TMEM50A: variants seen among roughly 807,000 people sequenced by gnomAD.
The protein encoded by TMEM50A is cervical cancer oncogene 9.
TMEM50A carries 8 observed loss-of-function variants against 23.9 expected under a neutral mutation model. The ratio of observed to expected loss-of-function variants is 0.33; its 90% CI spans 0.20 to 0.60. The LOEUF (loss-of-function observed/expected upper bound fraction) is 0.60. Among genes scored for constraint, TMEM50A ranks in the 20% least tolerant of loss-of-function variants. The pLI, the probability that TMEM50A is intolerant of heterozygous loss-of-function variation, is 0.81. For missense variants in TMEM50A, 178 were observed against 192.7 expected (o/e 0.92, Z 0.45); for synonymous variants, 55 against 60.4 (o/e 0.91, Z 0.41).
intron 3 of TMEM50A, among the ~76,000 whole-genome samples, chr1:25,351,179 A>T (rs906501469): frequency 1.1e-4 from 16 of 151,894 alleles, no homozygotes; most frequent in African/African-American, 3.1e-4. Context: ...AAAAAAAAAA[A>T]AAAGGAGTAT....
In TMEM50A at chr1:25,356,854, G is replaced by GGGCTGGTTTT; in HGVS notation, c.428+1_428+2insGGCTGGTTTT. On this transcript the variant is annotated splice_donor_variant, in intron 6 of 6. Coordinates refer to ENST00000374358, the MANE Select transcript of TMEM50A (RefSeq NM_014313.4). LOFTEE classifies it high-confidence loss of function. ...TCCAGAATGCCTTCATCTTTTTTGG[G>GGGCTGGTTTT]TAAGTTTGTTTTGCATTCTTTATGT... is the stretch of plus-strand genomic sequence containing the variant. 6.3e-7 allele frequency: 1 copy of GGGCTGGTTTT among 1,581,688 alleles called. No individual in the cohort carries two copies.
chr1:25,346,845 C>T (rs901096269), intron 3 of TMEM50A, among the ~76,000 whole-genome samples: 4 of 152,000 alleles, frequency 2.6e-5, no homozygotes, highest in Non-Finnish European at 5.9e-5. Context: ...ATGGTGAAAC[C>T]CTGTCTCTAC....
intron 4 of TMEM50A, among the ~76,000 whole-genome samples, chr1:25,351,950 T>C (rs1489442199): frequency 6.6e-6 from 1 of 152,200 alleles, no homozygotes; most frequent in Non-Finnish European, 1.5e-5. Context: ...TCAGAATTCA[T>C]TTTAGGCAGT....
chr1:25,359,061 C>T lies in TMEM50A; in HGVS notation c.429-1599C>T, dbSNP rs1645366522. The stretch of plus-strand genomic sequence containing the variant: ...TGAGCCACTGTGTCTGGCTCATAGC[C>T]CCCATTTCATTTGGTGCCTGGGACT... On this transcript the variant is annotated intron_variant, in intron 6 of 6. Coordinates refer to ENST00000374358, the MANE Select transcript of TMEM50A (RefSeq NM_014313.4). Among the ~76,000 whole-genome samples, 4 of 152,144 alleles carry T rather than the reference C, an allele frequency of 2.6e-5. No individual in the cohort carries two copies. In the South Asian group the frequency reaches 8.3e-4, roughly 32 times the overall value.
In TMEM50A at chr1:25,346,747, G is replaced by A. The variant is rs369002126; in HGVS notation, c.206+3674G>A. Among the ~76,000 whole-genome samples the A allele has an allele frequency of 7.2e-5, 11 of 152,234 alleles. No individual in the cohort carries two copies. The East Asian group carries it at 1.4e-3, about 19-fold the overall frequency. On this transcript the variant is annotated intron_variant, in intron 3 of 6. Transcript: ENST00000374358. ...TATAAAATGCATTCTGGCCAGGCAT[G>A]GTGGCTCACACTTGTAATCCCAGCA...
chr1:25,358,457 C>A (rs1172426492), intron 6 of TMEM50A, among the ~76,000 whole-genome samples: 1 of 152,186 alleles, frequency 6.6e-6, no homozygotes, highest in Non-Finnish European at 1.5e-5. Flanking sequence ...TCCCACCCAC[C>A]TCCAAAAAAG....
rs537409380 is a variant in TMEM50A at position 25,352,654 on chromosome 1, C to T, written c.275-228C>T. On this transcript the variant is annotated intron_variant, in intron 4 of 6. Coordinates refer to ENST00000374358, the MANE Select transcript of TMEM50A (RefSeq NM_014313.4). ...CAGTTGGGGAAAGTAAGTATATGCA[C>T]TTATACAGACTCATAAATAATTTTT... 2.0e-5 allele frequency among the ~76,000 whole-genome samples: 3 copies of T among 152,090 alleles called. No individual in the cohort carries two copies. The East Asian group carries it at 5.8e-4, about 29-fold the overall frequency.
chr1:25,355,503 A>G (rs1283622210), intron 5 of TMEM50A, among the ~76,000 whole-genome samples: 4 of 152,118 alleles, frequency 2.6e-5, no homozygotes, highest in African/African-American at 9.7e-5. Context: ...ATTTTAGGCT[A>G]TTTTCCTGAA....
At chr1:25,341,470 T>G (rs556609417) in intron 2 of TMEM50A, among the ~76,000 whole-genome samples, 16 of 152,160 alleles carry the variant, frequency 1.1e-4, no homozygotes, top group African/African-American at 3.1e-4. Flanking sequence ...GTGGTCTCGA[T>G]CTCCTGACCT....
intron 3 of TMEM50A, among the ~76,000 whole-genome samples, chr1:25,344,675 C>T (rs1463027730): frequency 1.3e-5 from 2 of 151,546 alleles, no homozygotes; most frequent in East Asian, 1.9e-4. Flanking sequence ...CCACTGTGCC[C>T]GACCTTTCCT....
In TMEM50A at chr1:25,340,523, T is replaced by G. The variant is rs772741947; in HGVS notation, c.37T>G (p.Cys13Gly). Reference protein sequence around the residue: ...GFLEGLRCSECIDWGEKRNTI... With the variant: ...GFLEGLRCSEGIDWGEKRNTI... ...TCTAGAGGGCTTGAGATGCTCAGAA[T>G]GCATTGACTGGGGGGAAAAGCGCAA... The change falls in exon 2 of 7, where the codon TGC (cysteine) becomes GGC (glycine). Residue 13 changes from cysteine (C) to glycine (G), a missense_variant. Physicochemically the swap from Cys to Gly is radical, Grantham distance 159. Coordinates refer to ENST00000374358, the MANE Select transcript of TMEM50A (RefSeq NM_014313.4). 1.3e-5 allele frequency: 21 copies of G among 1,614,074 alleles called. No homozygotes were observed. The highest frequency in any genetic ancestry group is 1.7e-5 in the Non-Finnish European group (20 of 1,179,982).
In TMEM50A at chr1:25,360,697, T is replaced by A. The variant is rs763863322; in HGVS notation, c.466T>A (p.Trp156Arg). The change falls in exon 7 of 7, where the codon TGG becomes AGG. Residue 156 changes from tryptophan to arginine, a missense_variant. Coordinates refer to ENST00000374358, the MANE Select transcript of TMEM50A (RefSeq NM_014313.4). Reference protein sequence around the residue: ...VFKFGRTEDLWQ With the variant: ...VFKFGRTEDLRQ The stretch of plus-strand genomic sequence containing the variant: ...TAAGTTTGGCCGCACTGAAGACTTA[T>A]GGCAGTGAACACATCTGATTTCCCA... The A allele has an allele frequency of 1.2e-6, 2 of 1,614,016 alleles. No homozygotes were observed. Among genetic ancestry groups the A allele is most frequent in the African/African-American group, 2.7e-5 (2 of 74,922 alleles).
In TMEM50A at chr1:25,339,111, A is replaced by G. The variant is rs566621945; in HGVS notation, c.-14+655A>G. ...AGTTAAAAATGGGAGACGTTGCTCT[A>G]TTGTAGGGTGTCATATTTTTGGACA... is the stretch of plus-strand genomic sequence containing the variant. On this transcript the variant is annotated intron_variant, in intron 1 of 6. Coordinates refer to ENST00000374358, the MANE Select transcript of TMEM50A (RefSeq NM_014313.4). 4.4e-4 allele frequency among the ~76,000 whole-genome samples: 67 copies of G among 152,314 alleles called. 1 individual carries two copies. In the South Asian group the frequency reaches 0.014, roughly 31 times the overall value.
At chr1:25,352,048 AT>A (rs1645279970) in intron 4 of TMEM50A, among the ~76,000 whole-genome samples, 1 of 152,204 alleles carries the variant, frequency 6.6e-6, no homozygotes, top group African/African-American at 2.4e-5. Context: ...CATAATTTTA[AT>A]GCAACCTTCC....
chr1:25,353,464 A>G (rs1305958276), intron 5 of TMEM50A, among the ~76,000 whole-genome samples: 2 of 152,118 alleles, frequency 1.3e-5, no homozygotes, highest in Non-Finnish European at 2.9e-5. Context: ...TAAATTTTTT[A>G]TAGAGATGGA....
chr1:25,356,012 C>T (rs1645330146), intron 5 of TMEM50A, among the ~76,000 whole-genome samples: 2 of 152,138 alleles, frequency 1.3e-5, no homozygotes, highest in South Asian at 4.1e-4. Flanking sequence ...CACCATTTAC[C>T]ATCTCTCCAT....
chr1:25,343,790 T>G (rs1224435175), intron 3 of TMEM50A, among the ~76,000 whole-genome samples: 2 of 152,036 alleles, frequency 1.3e-5, no homozygotes, highest in African/African-American at 4.8e-5. Flanking sequence ...TGGGGATATA[T>G]AAGAGAGGTT....
intron 3 of TMEM50A, 31 bp downstream of exon 3, chr1:25,343,104 A>G (rs917935801): frequency 2.0e-6 from 3 of 1,513,728 alleles, no homozygotes; most frequent in East Asian, 2.3e-5. Context: ...CATTACTTAC[A>G]TAGCTTGCCA....
chr1:25,344,361 G>A (rs571877078), intron 3 of TMEM50A, among the ~76,000 whole-genome samples: 41 of 152,194 alleles, frequency 2.7e-4, no homozygotes, highest in Non-Finnish European at 5.4e-4. Flanking sequence ...TTTTAAAACC[G>A]GTAAACAAAA....
Sources: gnomAD v4.1 joint callset for allele counts (sites outside exome capture counted in the v4.1 genomes callset) on GRCh38, gnomAD v4.1.1 for gene constraint, MANE v1.5 for transcripts, NCBI Gene and HGNC (gene_info 2026-07-23, HGNC 2026-07-21) for gene names.